The following FRMD4A variants were observed in gnomAD, a reference collection of about 807,000 sequenced individuals.
FRMD4A encodes FERM domain-containing protein 4A.
In FRMD4A, 29 loss-of-function variants were observed where a neutral mutation model predicts 129.1. That is an observed-to-expected ratio of 0.22 (90% CI 0.17 to 0.31). The LOEUF is 0.31. FRMD4A is among the 10% of genes least tolerant of loss of function. The pLI is 1.00. For missense variants in FRMD4A, 1,272 were observed against 1,375.8 expected (o/e 0.92, Z 1.19); for synonymous variants, 634 against 571.6 (o/e 1.11, Z -1.56).
At chr10:13,941,475 A>G (rs914598389) in intron 2 of FRMD4A, among the ~76,000 whole-genome samples, 3 of 152,214 alleles carry the variant, frequency 2.0e-5, no homozygotes, top group Non-Finnish European at 4.4e-5. Context: ...AGCCAAACAT[A>G]TAACATTACT....
At chr10:14,273,042 C>A (rs1399920529) in intron 2 of FRMD4A, among the ~76,000 whole-genome samples, 2 of 150,288 alleles carry the variant, frequency 1.3e-5, no homozygotes, top group Non-Finnish European at 3.0e-5. Flanking sequence ...ATGGCCAAAC[C>A]CTGTCTTTAC....
chr10:13,740,477 A>G, intron 10 of FRMD4A, 35 bp downstream of exon 10: 1 of 1,240,454 alleles, frequency 8.1e-7, no homozygotes, highest in Non-Finnish European at 1.2e-6. Context: ...ACACACAAAC[A>G]CTGTCCCCAT....
At chr10:13,898,163 A>T (rs2094779789) in intron 2 of FRMD4A, among the ~76,000 whole-genome samples, 1 of 152,156 alleles carries the variant, frequency 6.6e-6, no homozygotes, top group Non-Finnish European at 1.5e-5. Flanking sequence ...ACCTGAGGTC[A>T]GGAGTTTGAG....
At chr10:13,730,906 T>G (rs550328119) in intron 12 of FRMD4A, among the ~76,000 whole-genome samples, 3 of 148,422 alleles carry the variant, frequency 2.0e-5, no homozygotes, top group African/African-American at 7.4e-5. Flanking sequence ...CACACGCCTA[T>G]AGTCCCAGCT....
intron 2 of FRMD4A, among the ~76,000 whole-genome samples, chr10:13,883,032 G>A (rs2094565235): frequency 6.6e-6 from 1 of 151,874 alleles, no homozygotes; most frequent in African/African-American, 2.4e-5. Flanking sequence ...TCGAACTTCT[G>A]TCCTCAAGTG....
intron 2 of FRMD4A, among the ~76,000 whole-genome samples, chr10:13,977,187 AAGC>A (rs1357610081): frequency 6.6e-6 from 1 of 152,216 alleles, no homozygotes; most frequent in African/African-American, 2.4e-5. Context: ...GTTTTGTAGA[AAGC>A]AGATTTCTTT....
intron 2 of FRMD4A, among the ~76,000 whole-genome samples, chr10:14,267,713 G>C (rs887169544): frequency 2.2e-4 from 34 of 152,170 alleles, no homozygotes; most frequent in African/African-American, 7.0e-4. Flanking sequence ...TAAATATAAA[G>C]AGATGAGCAC....
At chr10:14,073,266 AGTT>A (rs1161827426) in intron 2 of FRMD4A, among the ~76,000 whole-genome samples, 12 of 152,008 alleles carry the variant, frequency 7.9e-5, no homozygotes, top group Admixed American at 1.3e-4. Context: ...AGTGAGGGCG[AGTT>A]GGATGCTGGC....
At chr10:14,271,213 A>G (rs868416751) in intron 2 of FRMD4A, among the ~76,000 whole-genome samples, 2 of 152,238 alleles carry the variant, frequency 1.3e-5, no homozygotes, top group South Asian at 4.1e-4. Context: ...ACTGGGGATC[A>G]CATTTCAACG....
At chr10:13,943,010 T>A (rs532882217) in intron 2 of FRMD4A, among the ~76,000 whole-genome samples, 2 of 152,196 alleles carry the variant, frequency 1.3e-5, no homozygotes, top group African/African-American at 4.8e-5. Flanking sequence ...TGTGGTTTGT[T>A]TCATGAAATA....
intron 2 of FRMD4A, among the ~76,000 whole-genome samples, chr10:14,212,760 C>G (rs973436552): frequency 6.6e-6 from 1 of 152,178 alleles, no homozygotes. Context: ...GGTGGCTGAG[C>G]AGGAGATGCT....
chr10:14,197,675 T>A (rs1842511767), intron 2 of FRMD4A, among the ~76,000 whole-genome samples: 1 of 152,234 alleles, frequency 6.6e-6, no homozygotes, highest in Non-Finnish European at 1.5e-5. Flanking sequence ...TCACTCTAGT[T>A]ATGACAAATC....
At chr10:13,880,555 C>A (rs1257794719) in intron 2 of FRMD4A, among the ~76,000 whole-genome samples, 1 of 152,280 alleles carries the variant, frequency 6.6e-6, no homozygotes, top group East Asian at 1.9e-4. Context: ...GGGGAGAGCC[C>A]CCCAGGGTAG....
chr10:13,711,246 A>G (rs1233567739), intron 12 of FRMD4A, among the ~76,000 whole-genome samples: 1 of 152,254 alleles, frequency 6.6e-6, no homozygotes, highest in African/African-American at 2.4e-5. Flanking sequence ...ATTTCTGCCC[A>G]TGGGCCCTTG....
rs1205529018 is a variant in FRMD4A, at chr10:14,174,882, T to A, written c.45+155176A>T. On this transcript the variant is annotated intron_variant, in intron 2 of 24. Transcript: ENST00000357447. ...AAAAAAAAAAGTGTGTGTGTGTCTGTGTGTGTGTGTGTGTGTGTGTGTGTG... is the reference window on the plus strand; with the variant it reads ...AAAAAAAAAAGTGTGTGTGTGTCTGAGTGTGTGTGTGTGTGTGTGTGTGTG... Among the ~76,000 whole-genome samples, 54 of 31,682 alleles carry A rather than the reference T, an allele frequency of 1.7e-3. No individual in the cohort carries two copies. In the East Asian group the frequency reaches 0.028, roughly 16 times the overall value. The allele number at this position is 31,682 out of a possible 152,430, so 20.8% of individuals were successfully genotyped here.
intron 2 of FRMD4A, among the ~76,000 whole-genome samples, chr10:13,910,469 A>G (rs1435284283): frequency 6.6e-6 from 1 of 152,202 alleles, no homozygotes; most frequent in Non-Finnish European, 1.5e-5. Context: ...GATTACCAAC[A>G]TATGCAATCA....
chr10:13,977,945 G>C lies in FRMD4A; in HGVS notation c.46-119033C>G, dbSNP rs531472314. On this transcript the variant is annotated intron_variant, in intron 2 of 24. Coordinates refer to ENST00000357447, the MANE Select transcript of FRMD4A (RefSeq NM_018027.5). ...CTCTCTGGCTACTATCAATGATGCT[G>C]CTATAAACACTTGTGTAAGCATTTT... Among the ~76,000 whole-genome samples the C allele has an allele frequency of 1.2e-3, 190 of 152,324 alleles. 1 individual carries two copies. Among genetic ancestry groups the C allele is most frequent in the African/African-American group, 4.1e-3 (169 of 41,572 alleles).
intron 3 of FRMD4A, among the ~76,000 whole-genome samples, chr10:13,838,390 A>C (rs2093910080): frequency 6.6e-6 from 1 of 151,346 alleles, no homozygotes; most frequent in Non-Finnish European, 1.5e-5. Context: ...TACCACGCCC[A>C]GCCACAATGT....
At chr10:14,300,795 G>A (rs1466600674) in intron 2 of FRMD4A, among the ~76,000 whole-genome samples, 1 of 152,192 alleles carries the variant, frequency 6.6e-6, no homozygotes, top group Non-Finnish European at 1.5e-5. Flanking sequence ...TAGGTCGGAG[G>A]GGAGGTGTTA....
Sources: gnomAD v4.1 joint callset for allele counts (sites outside exome capture counted in the v4.1 genomes callset) on GRCh38, gnomAD v4.1.1 for gene constraint, MANE v1.5 for transcripts, NCBI Gene and HGNC (gene_info 2026-07-23, HGNC 2026-07-21) for gene names.